The following ITGA11 variants were observed in gnomAD, a reference collection of about 807,000 sequenced individuals.
ITGA11 encodes integrin alpha-11.
A neutral mutation model predicts 141.9 loss-of-function variants in ITGA11; 97 were observed. The ratio of observed to expected loss-of-function variants is 0.68; its 90% CI spans 0.58 to 0.81. The LOEUF is 0.81. ITGA11 is among the 30% of genes least tolerant of loss of function. ITGA11 has a pLI of 0.00. For synonymous variants in ITGA11, 658 were observed against 624.6 expected (o/e 1.05, Z -0.80); for missense variants, 1,387 against 1,559.2 (o/e 0.89, Z 1.86).
chr15:68,358,993 T>C (rs1050443711), intron 5 of ITGA11, among the ~76,000 whole-genome samples: 1 of 152,192 alleles, frequency 6.6e-6, no homozygotes, highest in Non-Finnish European at 1.5e-5. Flanking sequence ...GAGGGAGATA[T>C]GATGTCGTGG....
At chr15:68,419,210 G>A (rs1172399459) in intron 1 of ITGA11, among the ~76,000 whole-genome samples, 1 of 152,144 alleles carries the variant, frequency 6.6e-6, no homozygotes, top group African/African-American at 2.4e-5. Flanking sequence ...TTCTCTGAGG[G>A]TTATGCAGAG....
At chr15:68,347,057 A>T (rs1894764672) in intron 10 of ITGA11, among the ~76,000 whole-genome samples, 1 of 152,228 alleles carries the variant, frequency 6.6e-6, no homozygotes, top group Non-Finnish European at 1.5e-5. Flanking sequence ...TCCTTTCAGC[A>T]CTTTAGTGGC....
At position 68,361,692 on chromosome 15, in the gene ITGA11, G is replaced by A. The variant is rs775833316; in HGVS notation, c.370C>T (p.Leu124Phe). Residue 124 changes from leucine to phenylalanine, a missense_variant, in exon 5 of 30, where the codon CTC (leucine) becomes TTC (phenylalanine). Physicochemically the swap from Leu to Phe is conservative, Grantham distance 22. Transcript: ENST00000315757. ...KDNSFLACSP[L>F]WSHECGSSYY... ...GAGCTCCCACACTCATGAGACCAGAGGGGGCTGCAGGCCTGGGGAGGGCAG... is the reference window on the plus strand; with the variant it reads ...GAGCTCCCACACTCATGAGACCAGAAGGGGCTGCAGGCCTGGGGAGGGCAG... The A allele has an allele frequency of 2.9e-5, 46 of 1,604,752 alleles. No individual in the cohort carries two copies. Among genetic ancestry groups the A allele is most frequent in the Non-Finnish European group, 3.5e-5 (41 of 1,175,494 alleles).
At chr15:68,309,739 C>T (rs1459999470) in intron 26 of ITGA11, among the ~76,000 whole-genome samples, 1 of 151,924 alleles carries the variant, frequency 6.6e-6, no homozygotes, top group African/African-American at 2.4e-5. Context: ...TACAGACGCC[C>T]ACCACCACAC....
chr15:68,401,804 C>T (rs1339936711), intron 2 of ITGA11, among the ~76,000 whole-genome samples: 1 of 152,130 alleles, frequency 6.6e-6, no homozygotes, highest in Non-Finnish European at 1.5e-5. Flanking sequence ...TTAAGTTGCA[C>T]ATTCAAAATG....
chr15:68,332,294 G>T, intron 13 of ITGA11, 44 bp downstream of exon 13: 2 of 1,571,052 alleles, frequency 1.3e-6, no homozygotes, highest in East Asian at 2.3e-5. Flanking sequence ...CAAAGCAGAG[G>T]TTGGGGGCAC....
intron 1 of ITGA11, among the ~76,000 whole-genome samples, chr15:68,431,679 T>C (rs1048757037): frequency 2.0e-5 from 3 of 152,220 alleles, no homozygotes; most frequent in African/African-American, 7.2e-5. Context: ...CGAGTGCCCC[T>C]GGCAGCCGTG....
At chr15:68,412,971 C>T (rs1213731684) in intron 1 of ITGA11, among the ~76,000 whole-genome samples, 1 of 152,108 alleles carries the variant, frequency 6.6e-6, no homozygotes, top group Non-Finnish European at 1.5e-5. Flanking sequence ...CCACTGGCAC[C>T]CAGCCAGGAC....
intron 10 of ITGA11, among the ~76,000 whole-genome samples, chr15:68,346,180 T>C (rs1894737563): frequency 6.6e-6 from 1 of 152,020 alleles, no homozygotes; most frequent in Admixed American, 6.6e-5. Flanking sequence ...AACAGAGAAG[T>C]TGAGCATATG....
chr15:68,315,813 G>C, intron 21 of ITGA11, 86 bp from the exon 22 acceptor site: 1 of 1,150,922 alleles, frequency 8.7e-7, no homozygotes, highest in Non-Finnish European at 1.2e-6. Context: ...CCCCCTGCTG[G>C]CTTGGGGAGA....
chr15:68,321,568 A>G lies in ITGA11; in HGVS notation c.2323-65T>C. On this transcript the variant is annotated intron_variant, in intron 18 of 29. Coordinates refer to ENST00000315757, the MANE Select transcript of ITGA11 (RefSeq NM_001004439.2). The surrounding 1 kb of genome is among the most constrained non-coding windows in gnomAD (Gnocchi z 4.9). ...ACCCGCAGCCCCTCGCCCTCAATGT[A>G]CACCAGCTCTGTCTCCACCACACTA... 9.8e-7 allele frequency: 1 copy of G among 1,023,130 alleles called. No individual in the cohort carries two copies. Among genetic ancestry groups the G allele is most frequent in the Non-Finnish European group, 1.4e-6 (1 of 695,336 alleles). 63.4% of individuals were successfully genotyped at this position (1,023,130 alleles called of 1,614,324 possible). A position where few individuals can be genotyped will look rare whatever the true frequency, so the allele number is the denominator to read the frequency against.
Position 68,328,717 on chromosome 15 carries a change from A to C in ITGA11, c.1902-455T>G, listed in dbSNP as rs1197520990. Among the ~76,000 whole-genome samples, 1 of 152,186 alleles carries C rather than the reference A, an allele frequency of 6.6e-6. No individual in the cohort carries two copies. The highest frequency in any genetic ancestry group is 2.4e-5 in the African/African-American group (1 of 41,438). On this transcript the variant is annotated intron_variant, in intron 15 of 29. Transcript: ENST00000315757. This position sits in a 1 kb window ranked among gnomAD's most constrained non-coding sequence, Gnocchi z 4.8. ...AAAGCAGTGCCTCTGAAATTTTCAT[A>C]TGTGTGCACGCCCCCTGGGGATCAT...
intron 2 of ITGA11, among the ~76,000 whole-genome samples, chr15:68,395,625 G>A (rs1595889512): frequency 8.3e-6 from 1 of 120,318 alleles, no homozygotes; most frequent in Non-Finnish European, 1.7e-5. Flanking sequence ...AGAAGAAAGA[G>A]TAAAGACAAA....
At position 68,317,330 on chromosome 15, in the gene ITGA11, C is replaced by T. The variant is rs200212389; in HGVS notation, c.2650G>A (p.Glu884Lys). The T allele has an allele frequency of 2.1e-5, 34 of 1,613,750 alleles. No individual in the cohort carries two copies. Among genetic ancestry groups the T allele is most frequent in the East Asian group, 2.2e-5 (1 of 44,892 alleles). ...ACTTGCTTCTGGAGCCTCCTCTCCT[C>T]GTTCACACACTCAATGCTACCGTCT... ...DSDGSIECVN[E>K]ERRLQKQVCN... The change falls in exon 21 of 30, where the codon GAG (glutamate) becomes AAG (lysine). Residue 884 changes from glutamate (E) to lysine (K), a missense_variant. Physicochemically the swap from Glu to Lys is moderately conservative, Grantham distance 56. Transcript: ENST00000315757.
Position 68,369,200 on chromosome 15 carries a change from G to A in ITGA11, c.249C>T (p.Cys83=). ...VYKCPVIHGN[C]TKLNLGRVTL... is the part of the protein sequence containing the mutation. ...CCACGTTACCCAGGTTGAGTTTGGT[G>A]CAGTTCCCGTGGATCACTGGACACT... Residue 83 remains cysteine (C), a synonymous_variant, in exon 3 of 30, where the codon TGC becomes TGT. Coordinates refer to ENST00000315757, the MANE Select transcript of ITGA11 (RefSeq NM_001004439.2). 1 of 1,613,584 alleles carries A rather than the reference G, an allele frequency of 6.2e-7. No homozygotes were observed. Among genetic ancestry groups the A allele is most frequent in the Non-Finnish European group, 8.5e-7 (1 of 1,179,518 alleles).
intron 1 of ITGA11, among the ~76,000 whole-genome samples, chr15:68,418,561 T>A (rs1489636837): frequency 1.3e-5 from 2 of 148,780 alleles, no homozygotes; most frequent in Non-Finnish European, 3.0e-5. Context: ...ATCACTTTCT[T>A]TACCCACCCC....
chr15:68,414,059 G>A (rs879334380), intron 1 of ITGA11, among the ~76,000 whole-genome samples: 2 of 152,160 alleles, frequency 1.3e-5, no homozygotes, highest in Non-Finnish European at 2.9e-5. Flanking sequence ...AGGCCTTGGT[G>A]GGGGTCCAGG....
intron 1 of ITGA11, among the ~76,000 whole-genome samples, chr15:68,424,080 G>A (rs2140439996): frequency 6.6e-6 from 1 of 152,310 alleles, no homozygotes; most frequent in East Asian, 1.9e-4. Context: ...CTCCTCTTTG[G>A]TTTTTCTGGT....
At chr15:68,379,707 T>C (rs1263251547) in intron 2 of ITGA11, among the ~76,000 whole-genome samples, 1 of 152,220 alleles carries the variant, frequency 6.6e-6, no homozygotes, top group Non-Finnish European at 1.5e-5. Context: ...CTCTCCCATC[T>C]CTTTGCAAGA....
Sources: gnomAD v4.1 joint callset for allele counts (sites outside exome capture counted in the v4.1 genomes callset) on GRCh38, gnomAD v4.1.1 for gene constraint, Gnocchi (gnomAD v3.1) non-coding constraint, MANE v1.5 for transcripts, NCBI Gene and HGNC (gene_info 2026-07-23, HGNC 2026-07-21) for gene names.